The following GYPE variants were observed in gnomAD, a reference collection of about 807,000 sequenced individuals.
GYPE encodes the protein glycophorin-E.
A neutral mutation model predicts 11.6 loss-of-function variants in GYPE; 8 were observed. That is an observed-to-expected ratio of 0.69 (90% CI 0.41 to 1.25). GYPE has a LOEUF of 1.25. Among genes scored for constraint, GYPE ranks in the 50% most tolerant of loss-of-function variants. The pLI is 0.01. For synonymous variants in GYPE, 28 were observed against 29.6 expected (o/e 0.94, Z 0.18); for missense variants, 90 against 92.8 (o/e 0.97, Z 0.12).
chr4:143,880,933 A>T (rs1744000659), intron 1 of GYPE, among the ~76,000 whole-genome samples: 1 of 152,158 alleles, frequency 6.6e-6, no homozygotes, highest in Non-Finnish European at 1.5e-5. Context: ...TTATGCTTAT[A>T]AAGGGGTAAC....
At position 143,876,872 on chromosome 4, in the gene GYPE, G is replaced by T; in HGVS notation, c.137-17C>A. ...GTGTTATCCCTACAGGAGATAAAGA[G>T]AGCGGCAAAATTATGAAAGTCTGAA... On this transcript the variant is annotated splice_polypyrimidine_tract_variant and intron_variant, in intron 2 of 3. Coordinates refer to ENST00000358615, the MANE Select transcript of GYPE (RefSeq NM_198682.3). 6.9e-7 allele frequency: 1 copy of T among 1,458,726 alleles called. No homozygotes were observed. The highest frequency in any genetic ancestry group is 9.6e-7 in the Non-Finnish European group (1 of 1,039,844). 90.4% of individuals were successfully genotyped at this position (1,458,726 alleles called of 1,614,324 possible).
chr4:143,895,537 C>G (rs900749142), intron 1 of GYPE, among the ~76,000 whole-genome samples: 1 of 149,940 alleles, frequency 6.7e-6, no homozygotes, highest in Non-Finnish European at 1.5e-5. Context: ...ACATTCCATG[C>G]TCATGGGTAG....
intron 1 of GYPE, among the ~76,000 whole-genome samples, chr4:143,895,848 C>T (rs1004883904): frequency 5.9e-4 from 90 of 152,074 alleles, no homozygotes; most frequent in African/African-American, 1.6e-3. Context: ...TCAGAAATAA[C>T]GCCGCACATC....
At chr4:143,898,801 T>A (rs1425313757) in intron 1 of GYPE, among the ~76,000 whole-genome samples, 1 of 152,168 alleles carries the variant, frequency 6.6e-6, no homozygotes, top group Non-Finnish European at 1.5e-5. Context: ...TTTCTGTATT[T>A]CCTGATACAA....
At chr4:143,898,347 A>C (rs568869881) in intron 1 of GYPE, among the ~76,000 whole-genome samples, 1 of 152,314 alleles carries the variant, frequency 6.6e-6, no homozygotes, top group African/African-American at 2.4e-5. Context: ...ACTGCACTCC[A>C]GCCTGGGCGA....
At position 143,899,564 on chromosome 4, in the gene GYPE, T is replaced by G. The variant is rs186690165; in HGVS notation, c.37+5907A>C. Among the ~76,000 whole-genome samples, 331 of 152,168 alleles carry G rather than the reference T, an allele frequency of 2.2e-3. 3 individuals are homozygous for G. The highest frequency in any genetic ancestry group is 7.5e-3 in the African/African-American group (312 of 41,488). ...GTTCAGTGAATCACACTTCATGAAT[T>G]CAAAACTTCTAACCAAGTAACAGCA... On this transcript the variant is annotated intron_variant, in intron 1 of 3. Coordinates refer to ENST00000358615, the MANE Select transcript of GYPE (RefSeq NM_198682.3).
intron 1 of GYPE, among the ~76,000 whole-genome samples, chr4:143,895,326 A>T (rs1011110509): frequency 6.6e-6 from 1 of 152,226 alleles, no homozygotes; most frequent in African/African-American, 2.4e-5. Context: ...TAGAAAATCA[A>T]GGTACAAAAA....
At chr4:143,895,319 A>T (rs1216906560) in intron 1 of GYPE, among the ~76,000 whole-genome samples, 1 of 152,212 alleles carries the variant, frequency 6.6e-6, no homozygotes, top group Non-Finnish European at 1.5e-5. Context: ...CTCAGGATAG[A>T]AAATCAAGGT....
At chr4:143,881,676 A>G (rs1744026990) in intron 1 of GYPE, among the ~76,000 whole-genome samples, 2 of 152,156 alleles carry the variant, frequency 1.3e-5, no homozygotes, top group African/African-American at 4.8e-5. Context: ...CATTATATGA[A>G]TGTTCTGTGG....
intron 1 of GYPE, among the ~76,000 whole-genome samples, chr4:143,903,533 A>AG (rs1486147462): frequency 3.3e-5 from 5 of 150,050 alleles, no homozygotes; most frequent in African/African-American, 4.9e-5. Flanking sequence ...GCAAAAAAAA[A>AG]AAAAAAAAAG....
At chr4:143,897,814 C>A (rs962904104) in intron 1 of GYPE, among the ~76,000 whole-genome samples, 24 of 152,008 alleles carry the variant, frequency 1.6e-4, no homozygotes, top group African/African-American at 5.5e-4. Context: ...GTGTGCTGAA[C>A]CACTAAAATG....
rs557146948 is a variant in GYPE, at chr4:143,890,476, G to A, written c.38-9967C>T. On this transcript the variant is annotated intron_variant, in intron 1 of 3. Transcript: ENST00000358615. ...TTATCCCAAAGTTCTCACACCACTGGTACTTCCTTTCTCTGGTTGAACAAT... is the reference window on the plus strand; with the variant it reads ...TTATCCCAAAGTTCTCACACCACTGATACTTCCTTTCTCTGGTTGAACAAT... Among the ~76,000 whole-genome samples the A allele has an allele frequency of 5.3e-5, 8 of 152,216 alleles. No homozygotes were observed. The East Asian group carries it at 7.7e-4, about 15-fold the overall frequency.
At chr4:143,895,534 A>T (rs1041046977) in intron 1 of GYPE, among the ~76,000 whole-genome samples, 1 of 150,338 alleles carries the variant, frequency 6.7e-6, no homozygotes, top group South Asian at 2.2e-4. Context: ...AGAACATTCC[A>T]TGCTCATGGG....
At chr4:143,893,824 G>A (rs1411355661) in intron 1 of GYPE, among the ~76,000 whole-genome samples, 27 of 152,040 alleles carry the variant, frequency 1.8e-4, no homozygotes, top group Admixed American at 3.9e-4. Context: ...TCTTTGTGGC[G>A]TTCTCTGTAT....
At chr4:143,903,520 A>G (rs1401719607) in intron 1 of GYPE, among the ~76,000 whole-genome samples, 1 of 113,808 alleles carries the variant, frequency 8.8e-6, no homozygotes, top group African/African-American at 3.3e-5. Flanking sequence ...TCTTTTTTTC[A>G]TAGCAAAAAA....
intron 2 of GYPE, among the ~76,000 whole-genome samples, chr4:143,877,507 T>G (rs1216038719): frequency 1.3e-5 from 2 of 152,326 alleles, no homozygotes; most frequent in Admixed American, 1.3e-4. Flanking sequence ...TGAAACAACT[T>G]AAATCAAGTA....
chr4:143,899,153 A>T (rs774133849), intron 1 of GYPE, among the ~76,000 whole-genome samples: 42 of 148,316 alleles, frequency 2.8e-4, no homozygotes, highest in African/African-American at 1.0e-3. Flanking sequence ...CAGACCGTCA[A>T]CCTTCATTAA....
intron 1 of GYPE, among the ~76,000 whole-genome samples, chr4:143,896,102 G>A (rs976223668): frequency 6.6e-6 from 1 of 152,152 alleles, no homozygotes; most frequent in African/African-American, 2.4e-5. Flanking sequence ...AATGGGCAAG[G>A]ACTTCATGTC....
chr4:143,880,739 G>A (rs1743993701), intron 1 of GYPE, among the ~76,000 whole-genome samples: 1 of 152,164 alleles, frequency 6.6e-6, no homozygotes, highest in African/African-American at 2.4e-5. Flanking sequence ...CATGGCAGAG[G>A]TTTACAGATA....
Sources: allele counts gnomAD v4.1 joint callset (sites outside exome capture counted in the v4.1 genomes callset), GRCh38; gene constraint gnomAD v4.1.1; transcripts MANE v1.5; gene names NCBI Gene and HGNC (gene_info 2026-07-23, HGNC 2026-07-21).